Variants in RADIL observed in about 807,000 individuals in gnomAD.
The protein encoded by RADIL is ras-associating and dilute domain-containing protein.
Under a neutral mutation model 97.6 loss-of-function variants are expected in RADIL, and 99 were observed. That is an observed-to-expected ratio of 1.01 (90% confidence interval 0.86 to 1.20). The LOEUF is 1.20. Among genes scored for constraint, RADIL ranks in the 50% most tolerant of loss-of-function variants. RADIL has a pLI of 0.00. For missense variants in RADIL, 1,765 were observed against 1,498.9 expected, an observed-to-expected ratio of 1.18 and a Z score of -2.93; for synonymous variants, 803 against 691.8, an observed-to-expected ratio of 1.16 and a Z score of -2.52.
In RADIL at chr7:4,819,781, ACTCTGTTCC is replaced by A. The variant is rs1782779117; in HGVS notation, c.1616-2439_1616-2431del. On this transcript the variant is annotated intron_variant, in intron 6 of 14. Transcript: ENST00000399583. The surrounding 1 kb of genome is among the most constrained non-coding windows in gnomAD (Gnocchi z 5.8). ...CGGCCCCTTCTAGGGGCTATTTCCC[ACTCTGTTCC>A]CTGGTGCCTGCCTGGCCCTCGACAC... Among the ~76,000 whole-genome samples the A allele has an allele frequency of 6.6e-6, 1 of 150,940 alleles. No individual in the cohort carries two copies. The highest frequency in any genetic ancestry group is 1.5e-5 in the Non-Finnish European group (1 of 67,700).
At chr7:4,826,425 G>A (rs1032901752) in intron 5 of RADIL, among the ~76,000 whole-genome samples, 11 of 151,912 alleles carry the variant, frequency 7.2e-5, no homozygotes, top group African/African-American at 2.4e-4. Context: ...AGAAGGAAAA[G>A]GGGAGTTTTT....
rs1784469428 is a variant in RADIL, at chr7:4,880,900, T to C, written c.-65+2696A>G. On this transcript the variant is annotated intron_variant, in intron 1 of 14. Transcript: ENST00000399583. This position sits in a 1 kb window ranked among gnomAD's most constrained non-coding sequence, Gnocchi z 4.5. ...TGGCTTAAGGCCAGGAGTTCAAGAC[T>C]AGCCTGGGCAACATAACAAGATCCC... Among the ~76,000 whole-genome samples, 1 of 152,138 alleles carries C rather than the reference T, an allele frequency of 6.6e-6. No homozygotes were observed. The highest frequency in any genetic ancestry group is 2.4e-5 in the African/African-American group (1 of 41,434).
At chr7:4,841,863 C>T (rs539737027) in intron 2 of RADIL, among the ~76,000 whole-genome samples, 19 of 152,252 alleles carry the variant, frequency 1.2e-4, no homozygotes, top group South Asian at 4.2e-4. Flanking sequence ...GGGTTCAAGC[C>T]GAGGCTGATC....
chr7:4,860,103 T>C (rs1295032306), intron 2 of RADIL: 9 of 1,613,948 alleles, frequency 5.6e-6, no homozygotes, highest in African/African-American at 2.7e-5. Flanking sequence ...GTAGCCTGTA[T>C]GTTAGCCACA....
Position 4,835,624 on chromosome 7 carries a change from A to ACCCCCAGTGTGGGAGCACCG in RADIL, c.784-386_784-385insCGGTGCTCCCACACTGGGGG, listed in dbSNP as rs1783276339. On this transcript the variant is annotated intron_variant, in intron 3 of 14. Transcript: ENST00000399583. The surrounding 1 kb of genome is among the most constrained non-coding windows in gnomAD (Gnocchi z 5.8). ...GCACTGCCGCCTGTGTGGGAGCACC[A>ACCCCCAGTGTGGGAGCACCG]CCCCCAGTGTGGGAGCACTGCCGCC... Among the ~76,000 whole-genome samples, 1 of 150,562 alleles carries ACCCCCAGTGTGGGAGCACCG rather than the reference A, an allele frequency of 6.6e-6. No homozygotes were observed. Among genetic ancestry groups the ACCCCCAGTGTGGGAGCACCG allele is most frequent in the South Asian group, 2.1e-4 (1 of 4,758 alleles).
intron 10 of RADIL, chr7:4,805,212 G>A (rs117369585): frequency 0.047 from 13,473 of 287,962 alleles, 423 homozygotes; most frequent in Non-Finnish European, 0.064. Context: ...TCAGGGATGC[G>A]TCCCCACGGC....
intron 2 of RADIL, among the ~76,000 whole-genome samples, chr7:4,875,191 C>CAAACAA (rs1463421752): frequency 9.1e-6 from 1 of 110,156 alleles, no homozygotes; most frequent in South Asian, 3.1e-4. Context: ...GACTCCATCT[C>CAAACAA]CAACAACAAC....
chr7:4,813,863 G>A lies in RADIL; in HGVS notation c.2139+1415C>T, dbSNP rs1278773219. On this transcript the variant is annotated intron_variant, in intron 9 of 14. Coordinates refer to ENST00000399583, the MANE Select transcript of RADIL (RefSeq NM_018059.5). This position sits in a 1 kb window ranked among gnomAD's most constrained non-coding sequence, Gnocchi z 5.0. ...CTGTTTTAGCCCCATCTTGACATCG[G>A]TGTCCAGAGGTACCTGGTGCCACCA... Among the ~76,000 whole-genome samples, 3 of 152,168 alleles carry A rather than the reference G, an allele frequency of 2.0e-5. No individual in the cohort carries two copies. The East Asian group carries it at 5.8e-4, about 29-fold the overall frequency.
chr7:4,855,942 C>T (rs145833814), intron 2 of RADIL, among the ~76,000 whole-genome samples: 9 of 151,792 alleles, frequency 5.9e-5, no homozygotes, highest in African/African-American at 1.9e-4. Flanking sequence ...ATTACAGGTG[C>T]GCATCACCAT....
chr7:4,804,082 G>T, intron 10 of RADIL: 1 of 375,092 alleles, frequency 2.7e-6, no homozygotes, highest in South Asian at 2.5e-5. Flanking sequence ...GTGTCTCCGG[G>T]TAACTGGAGC....
rs1331187607 is a variant in RADIL at position 4,798,136 on chromosome 7, A to ATT, written c.*1241_*1242insAA. 2.3e-4 allele frequency: 33 copies of ATT among 142,938 alleles called. No individual in the cohort carries two copies. Among genetic ancestry groups the ATT allele is most frequent in the African/African-American group, 8.5e-4 (30 of 35,278 alleles). The allele number at this position is 142,938 out of a possible 1,614,324, so 8.9% of individuals were successfully genotyped here. On this transcript the variant is annotated 3_prime_UTR_variant, in exon 15 of 15. Coordinates refer to ENST00000399583, the MANE Select transcript of RADIL (RefSeq NM_018059.5). The stretch of plus-strand genomic sequence containing the variant: ...ACATATCTTAAATATATATACAAAC[A>ATT]CTATATATATATATATATTTTATCC...
rs147277839 is a variant in RADIL at position 4,854,081 on chromosome 7, T to C, written c.536-17476A>G. Among the ~76,000 whole-genome samples the C allele has an allele frequency of 1.6e-3, 245 of 152,312 alleles. 4 individuals carry two copies. In the East Asian group the frequency reaches 0.038, roughly 24 times the overall value. On this transcript the variant is annotated intron_variant, in intron 2 of 14. Coordinates refer to ENST00000399583, the MANE Select transcript of RADIL (RefSeq NM_018059.5). This position sits in a 1 kb window ranked among gnomAD's most constrained non-coding sequence, Gnocchi z 5.1. ...CCTTTGCCATTCCCCGTCTTCCTTCTTTCTTCCTGCCTTAAATGAAGATGT... is the reference window on the plus strand; with the variant it reads ...CCTTTGCCATTCCCCGTCTTCCTTCCTTCTTCCTGCCTTAAATGAAGATGT...
chr7:4,805,127 G>A (rs368109385), intron 10 of RADIL: 1 of 165,312 alleles, frequency 6.0e-6, no homozygotes, highest in Non-Finnish European at 1.3e-5. Context: ...GCACCCCTAT[G>A]TATGCACGTA....
intron 6 of RADIL, among the ~76,000 whole-genome samples, chr7:4,820,117 C>G (rs924685785): frequency 6.6e-6 from 1 of 152,208 alleles, no homozygotes; most frequent in African/African-American, 2.4e-5. Context: ...ACAAAAGGGG[C>G]TCCTAAGCTG....
At chr7:4,848,007 G>C (rs978517427) in intron 2 of RADIL, among the ~76,000 whole-genome samples, 2 of 152,182 alleles carry the variant, frequency 1.3e-5, no homozygotes, top group African/African-American at 4.8e-5. Context: ...ACCAGCCTGG[G>C]TGACATGGTG....
intron 2 of RADIL, chr7:4,862,003 A>T: frequency 2.3e-6 from 1 of 435,012 alleles, no homozygotes; most frequent in Non-Finnish European, 4.1e-6. Context: ...ATGGCGCCAG[A>T]CCCCTCAGCG....
chr7:4,835,313 T>C lies in RADIL; in HGVS notation c.784-74A>G. The C allele has an allele frequency of 7.8e-6, 12 of 1,545,328 alleles. No individual in the cohort carries two copies. The South Asian group carries it at 1.1e-4, about 14-fold the overall frequency. On this transcript the variant is annotated intron_variant, in intron 3 of 14. Coordinates refer to ENST00000399583, the MANE Select transcript of RADIL (RefSeq NM_018059.5). This position sits in a 1 kb window ranked among gnomAD's most constrained non-coding sequence, Gnocchi z 5.8. ...GGAAAAGCGTCCCGTGTCTAGTCAC[T>C]GGTTGCTGAAGCAGCGTGGCTGGGA...
intron 2 of RADIL, among the ~76,000 whole-genome samples, chr7:4,856,267 A>G (rs1198279376): frequency 6.6e-6 from 1 of 151,368 alleles, no homozygotes; most frequent in African/African-American, 2.4e-5. Flanking sequence ...ATGCCACCAC[A>G]CCCAGCTAAT....
chr7:4,810,688 G>A (rs1474417672), intron 9 of RADIL, among the ~76,000 whole-genome samples: 3 of 152,170 alleles, frequency 2.0e-5, no homozygotes, highest in Non-Finnish European at 4.4e-5. Flanking sequence ...ACATGCACTC[G>A]GTCAGCTTCA....
Sources: allele counts gnomAD v4.1 joint callset (sites outside exome capture counted in the v4.1 genomes callset), GRCh38; gene constraint gnomAD v4.1.1; non-coding constraint Gnocchi (gnomAD v3.1); transcripts MANE v1.5; gene names NCBI Gene and HGNC (gene_info 2026-07-23, HGNC 2026-07-21).